CYRIB: variants seen among roughly 807,000 people sequenced by gnomAD.
CYRIB encodes CYFIP related Rac1 interactor B.
CYRIB carries 8 observed loss-of-function variants against 44.2 expected under a neutral mutation model. The ratio of observed to expected loss-of-function variants is 0.18; its 90% CI spans 0.11 to 0.33. CYRIB has a LOEUF of 0.33. CYRIB is among the 10% of genes least tolerant of loss of function. CYRIB has a pLI of 1.00. For missense variants in CYRIB, 185 were observed against 382.8 expected, an observed-to-expected ratio of 0.48 and a Z score of 4.31; for synonymous variants, 131 against 127.2, an observed-to-expected ratio of 1.03 and a Z score of -0.20.
At chr8:129,862,982 T>C (rs76909352) in intron 4 of CYRIB, among the ~76,000 whole-genome samples, 1 of 152,270 alleles carries the variant, frequency 6.6e-6, no homozygotes, top group Admixed American at 6.5e-5. Flanking sequence ...TGTTAAATAT[T>C]TTATGCCTTG....
intron 11 of CYRIB, among the ~76,000 whole-genome samples, 171 bp downstream of exon 13, chr8:129,846,633 T>A (rs2040192134): frequency 6.6e-6 from 1 of 152,246 alleles, no homozygotes; most frequent in African/African-American, 2.4e-5. Context: ...TAAAATACCG[T>A]AACCAGTGTT....
chr8:129,960,504 A>G (rs1335040294), intron 2 of CYRIB, among the ~76,000 whole-genome samples: 1 of 151,362 alleles, frequency 6.6e-6, no homozygotes, highest in Non-Finnish European at 1.5e-5. Flanking sequence ...CTGAGGCAGG[A>G]GAATAGGATA....
chr8:130,009,691 G>A (rs1253278030), intron 1 of CYRIB, among the ~76,000 whole-genome samples: 2 of 152,228 alleles, frequency 1.3e-5, no homozygotes, highest in Non-Finnish European at 1.5e-5. Context: ...GGAGAAGGAC[G>A]TGTATATGGA....
intron 4 of CYRIB, 41 bp downstream of exon 6, chr8:129,871,334 G>GT (rs772476609): frequency 3.5e-5 from 56 of 1,579,132 alleles, no homozygotes; most frequent in Non-Finnish European, 4.4e-5. Context: ...AGGTGGGACA[G>GT]TAAGTTTCAG....
At chr8:129,915,361 T>C (rs117622831) in intron 1 of CYRIB, among the ~76,000 whole-genome samples, 157 of 152,304 alleles carry the variant, frequency 1.0e-3, no homozygotes, top group Non-Finnish European at 1.9e-3. Flanking sequence ...AAAATCACTA[T>C]GCTGAGTTGA....
rs369665802 is a variant in CYRIB, at chr8:129,930,365, T to TTTTTTATATATATATATATATATATATA, written c.-50+9242_-50+9243insTATATATATATATATATATATATAAAAA. The stretch of plus-strand genomic sequence containing the variant: ...TCAACTAGGAAGAATTGTGAAGTGC[T>TTTTTTATATATATATATATATATATATA]TATATATATATATATTTTAATTATT... On this transcript the variant is annotated intron_variant, in intron 1 of 11. Coordinates refer to ENST00000519824, the Ensembl canonical transcript of CYRIB. Among the ~76,000 whole-genome samples, 3 of 50,438 alleles carry TTTTTTATATATATATATATATATATATA rather than the reference T, an allele frequency of 5.9e-5. 1 individual carries two copies. Among genetic ancestry groups the TTTTTTATATATATATATATATATATATA allele is most frequent in the Non-Finnish European group, 1.2e-4 (3 of 25,224 alleles). 33.1% of individuals were successfully genotyped at this position (50,438 alleles called of 152,430 possible).
At chr8:129,989,132 C>T (rs1242339322) in intron 1 of CYRIB, among the ~76,000 whole-genome samples, 2 of 152,134 alleles carry the variant, frequency 1.3e-5, no homozygotes, top group Non-Finnish European at 2.9e-5. Context: ...ACACTCATTA[C>T]GCACTCAAGA....
At chr8:129,993,696 C>CA (rs901947850) in intron 1 of CYRIB, among the ~76,000 whole-genome samples, 349 of 129,570 alleles carry the variant, frequency 2.7e-3, no homozygotes, top group African/African-American at 4.7e-3. Flanking sequence ...AACTCTCTCT[C>CA]AAAAAAAAAA....
At chr8:129,847,988 T>C (rs1375498420) in intron 10 of CYRIB, among the ~76,000 whole-genome samples, 1 of 151,962 alleles carries the variant, frequency 6.6e-6, no homozygotes, top group Non-Finnish European at 1.5e-5. Context: ...TTTTTTTCAG[T>C]AGAGATGAGG....
intron 3 of CYRIB, among the ~76,000 whole-genome samples, chr8:129,876,194 G>A (rs1156300948): frequency 2.0e-5 from 3 of 151,796 alleles, no homozygotes; most frequent in African/African-American, 4.8e-5. Flanking sequence ...TGAGCTACAC[G>A]TTGAAAATAA....
intron 2 of CYRIB, among the ~76,000 whole-genome samples, chr8:129,967,780 A>G (rs910904083): frequency 7.2e-5 from 11 of 152,186 alleles, no homozygotes; most frequent in South Asian, 2.1e-4. Context: ...TTTGCCCTCA[A>G]TGGTGACCTG....
At chr8:129,991,170 G>C (rs1177711833) in intron 1 of CYRIB, among the ~76,000 whole-genome samples, 1 of 151,314 alleles carries the variant, frequency 6.6e-6, no homozygotes, top group Non-Finnish European at 1.5e-5. Flanking sequence ...CAACAGGCGA[G>C]GAGTTGAAAT....
At chr8:129,856,963 T>C (rs896638170) in intron 5 of CYRIB, among the ~76,000 whole-genome samples, 9 of 152,262 alleles carry the variant, frequency 5.9e-5, no homozygotes, top group African/African-American at 2.2e-4. Context: ...CAATTACTTC[T>C]GTAACCCTAC....
intron 2 of CYRIB, among the ~76,000 whole-genome samples, chr8:129,956,028 A>G (rs961599829): frequency 1.3e-5 from 2 of 152,166 alleles, no homozygotes; most frequent in Non-Finnish European, 2.9e-5. Context: ...CAGCAGCCCC[A>G]TCTTTCTCAT....
At chr8:129,963,570 G>C (rs2095358717) in intron 2 of CYRIB, among the ~76,000 whole-genome samples, 1 of 152,224 alleles carries the variant, frequency 6.6e-6, no homozygotes, top group South Asian at 2.1e-4. Context: ...GAGCAATGGC[G>C]ATTAAACCTA....
chr8:129,908,724 G>T (rs551578106), intron 1 of CYRIB, among the ~76,000 whole-genome samples: 1 of 152,102 alleles, frequency 6.6e-6, no homozygotes, highest in Non-Finnish European at 1.5e-5. Context: ...AACACCTGAG[G>T]ATTCCTCTAT....
At chr8:129,975,282 C>T (rs530699507) in intron 1 of CYRIB, among the ~76,000 whole-genome samples, 3 of 152,164 alleles carry the variant, frequency 2.0e-5, no homozygotes, top group Non-Finnish European at 4.4e-5. Context: ...TCCCAAAGTG[C>T]TGGGATTACA....
At chr8:129,913,443 T>C (rs2079099404) in intron 1 of CYRIB, among the ~76,000 whole-genome samples, 1 of 152,248 alleles carries the variant, frequency 6.6e-6, no homozygotes, top group Non-Finnish European at 1.5e-5. Context: ...CGTGCATTCA[T>C]TAGCTAATCC....
chr8:129,912,062 T>C (rs2078323846), intron 1 of CYRIB, among the ~76,000 whole-genome samples: 1 of 152,168 alleles, frequency 6.6e-6, no homozygotes, highest in African/African-American at 2.4e-5. Flanking sequence ...TAAATGCTAG[T>C]TAAAAGAAAG....
Sources: allele counts gnomAD v4.1 joint callset (sites outside exome capture counted in the v4.1 genomes callset), GRCh38; gene constraint gnomAD v4.1.1; transcripts MANE v1.5; gene names NCBI Gene and HGNC (gene_info 2026-07-23, HGNC 2026-07-21).